Variants in AFF2 observed in about 807,000 individuals in gnomAD.
The protein encoded by AFF2 is AF4/FMR2 family member 2.
In AFF2, 14 loss-of-function variants were observed where a neutral mutation model predicts 76.9. That is an observed-to-expected ratio of 0.18 (90% confidence interval 0.12 to 0.28). The LOEUF (loss-of-function observed/expected upper bound fraction) is 0.28, where lower values mean the gene tolerates loss of function less well. AFF2 is among the 10% of genes least tolerant of loss of function. The probability of loss-of-function intolerance (pLI) is 1.00; values close to 1 mark genes in which losing one functional copy is unlikely to be tolerated. For missense variants in AFF2, 868 were observed against 1,001.1 expected, an observed-to-expected ratio of 0.87 and a Z score of 1.79; for synonymous variants, 398 against 366.7, an observed-to-expected ratio of 1.09 and a Z score of -0.98.
intron 9 of AFF2, among the ~76,000 whole-genome samples, chrX:148,911,189 T>A (rs2071465103): frequency 9.1e-6 from 1 of 110,388 alleles, no homozygotes; most frequent in Non-Finnish European, 1.9e-5. Context: ...TTCCCCACCA[T>A]TTTTACCTTT....
intron 2 of AFF2, 87 bp downstream of exon 2, chrX:148,652,218 A>G: frequency 1.4e-6 from 1 of 708,247 alleles, no homozygotes. Context: ...AAAGCACCCA[A>G]CTCATTTCCA....
At chrX:148,547,806 G>C (rs2052940995) in intron 1 of AFF2, among the ~76,000 whole-genome samples, 1 of 111,918 alleles carries the variant, frequency 8.9e-6, no homozygotes, top group Non-Finnish European at 1.9e-5. Context: ...CTTCCCAAGT[G>C]TCCAGGTTTA....
intron 1 of AFF2, among the ~76,000 whole-genome samples, chrX:148,532,726 G>A (rs1490751263): frequency 2.7e-5 from 3 of 112,087 alleles, no homozygotes; most frequent in Non-Finnish European, 3.8e-5. Context: ...ACAGTATATG[G>A]ATGAGAAATT....
intron 9 of AFF2, among the ~76,000 whole-genome samples, chrX:148,944,288 A>G (rs1340234960): frequency 3.6e-5 from 4 of 111,838 alleles, no homozygotes; most frequent in Non-Finnish European, 7.5e-5. Context: ...CAGTGGAAGT[A>G]CACAGCCTGC....
At chrX:148,731,521 T>G (rs1285958123) in intron 3 of AFF2, among the ~76,000 whole-genome samples, 1 of 111,776 alleles carries the variant, frequency 8.9e-6, no homozygotes, top group African/African-American at 3.3e-5. Context: ...AACTCTAAAA[T>G]TTTAGAAGGA....
intron 7 of AFF2, among the ~76,000 whole-genome samples, chrX:148,872,587 C>T (rs2070991087): frequency 8.9e-6 from 1 of 112,106 alleles, no homozygotes; most frequent in African/African-American, 3.2e-5. Flanking sequence ...TGATGTTGAG[C>T]ATCTTTTCAT....
Position 148,581,445 on chromosome X carries a change from TAC to T in AFF2, c.48-70553_48-70552del, listed in dbSNP as rs1273706938. On this transcript the variant is annotated intron_variant, in intron 1 of 20. Transcript: ENST00000370460. ...ATACGTCTACGTGTACACACATATA[TAC>T]GTATACGTCTACGTGTACACACATA... Among the ~76,000 whole-genome samples the T allele has an allele frequency of 1.2e-4, 3 of 25,290 alleles. 1 individual carries two copies. Among genetic ancestry groups the T allele is most frequent in the Non-Finnish European group, 1.7e-4 (2 of 11,668 alleles). The allele number at this position is 25,290 out of a possible 115,157, so 22.0% of individuals were successfully genotyped here. A position where few individuals can be genotyped will look rare whatever the true frequency, so the allele number is the denominator to read the frequency against.
intron 7 of AFF2, among the ~76,000 whole-genome samples, chrX:148,871,826 C>T (rs2070980179): frequency 9.0e-6 from 1 of 111,629 alleles, no homozygotes; most frequent in Non-Finnish European, 1.9e-5. Context: ...CTGGAAAAGA[C>T]AAAGCTCTTT....
chrX:148,994,692 A>T lies in AFF2; in HGVS notation c.*3360A>T, dbSNP rs1477799211. The T allele has an allele frequency of 1.8e-5, 2 of 112,533 alleles. No homozygotes were observed. The highest frequency in any genetic ancestry group is 6.5e-5 in the African/African-American group (2 of 30,948). 9.3% of individuals were successfully genotyped at this position (112,533 alleles called of 1,213,427 possible). A position where few individuals can be genotyped will look rare whatever the true frequency, so the allele number is the denominator to read the frequency against. ...TGGACATTACATCACTAAATTCATT[A>T]GATTTTGTCTGCATTGGAAAGATAC... On this transcript the variant is annotated 3_prime_UTR_variant, in exon 21 of 21. Transcript: ENST00000370460.
At chrX:148,566,521 G>A (rs1468933776) in intron 1 of AFF2, among the ~76,000 whole-genome samples, 1 of 111,199 alleles carries the variant, frequency 9.0e-6, no homozygotes, top group Non-Finnish European at 1.9e-5. Context: ...ATGAAATGCA[G>A]CAATTCAGTG....
In AFF2 at chrX:148,691,652, G is replaced by T. The variant is rs6641245; in HGVS notation, c.1041+28884G>T. 7.2e-5 allele frequency among the ~76,000 whole-genome samples: 8 copies of T among 111,762 alleles called. No individual in the cohort carries two copies. In the East Asian group the frequency reaches 2.3e-3, roughly 31 times the overall value. The stretch of plus-strand genomic sequence containing the variant: ...AGGGCACAGCATGAATAAAGTCTAG[G>T]GAATGTGGTGGTGAGTGGACCCAAT... On this transcript the variant is annotated intron_variant, in intron 3 of 20. Coordinates refer to ENST00000370460, the MANE Select transcript of AFF2 (RefSeq NM_002025.4).
intron 4 of AFF2, among the ~76,000 whole-genome samples, chrX:148,830,147 A>G (rs1280057704): frequency 8.9e-6 from 1 of 111,828 alleles, no homozygotes; most frequent in Admixed American, 9.4e-5. Context: ...GGGCCCTGAG[A>G]GGAAAAAGAT....
chrX:148,897,273 G>GTGTGTATA (rs1569556779), intron 8 of AFF2, among the ~76,000 whole-genome samples: 30 of 24,386 alleles, frequency 1.2e-3, no homozygotes, highest in South Asian at 3.0e-3. Flanking sequence ...ATATATATAT[G>GTGTGTATA]TATATGAAAA....
intron 9 of AFF2, among the ~76,000 whole-genome samples, chrX:148,906,767 C>T (rs1176437928): frequency 4.5e-5 from 5 of 111,555 alleles, no homozygotes; most frequent in Non-Finnish European, 9.4e-5. Flanking sequence ...AGCTTTTGCT[C>T]GCCGTCCACC....
chrX:148,964,247 G>A (rs1307482928), intron 13 of AFF2, among the ~76,000 whole-genome samples: 1 of 111,889 alleles, frequency 8.9e-6, no homozygotes, highest in Non-Finnish European at 1.9e-5. Context: ...ATGCTCAAAG[G>A]ACTAGAATAT....
At chrX:148,888,199 CT>C (rs1801329231) in intron 8 of AFF2, among the ~76,000 whole-genome samples, 1 of 111,160 alleles carries the variant, frequency 9.0e-6, no homozygotes, top group African/African-American at 3.3e-5. Context: ...CCCCCTCCCC[CT>C]AACCCCGACA....
At chrX:148,772,538 CTTTCTT>C (rs1184812510) in intron 3 of AFF2, among the ~76,000 whole-genome samples, 37 of 54,162 alleles carry the variant, frequency 6.8e-4, no homozygotes, top group African/African-American at 1.5e-3. Flanking sequence ...TTCTTTCTTT[CTTTCTT>C]TTTTTTTTTT....
At chrX:148,819,384 AC>A (rs782080221) in intron 4 of AFF2, among the ~76,000 whole-genome samples, 3 of 111,661 alleles carry the variant, frequency 2.7e-5, no homozygotes, top group Non-Finnish European at 5.7e-5. Flanking sequence ...GAGTGGCTGT[AC>A]CATTTTGCAC....
intron 3 of AFF2, among the ~76,000 whole-genome samples, chrX:148,713,684 G>C (rs1426095836): frequency 8.9e-6 from 1 of 111,732 alleles, no homozygotes; most frequent in Non-Finnish European, 1.9e-5. Context: ...AACTTGAAAA[G>C]GCTGCCCACT....
Sources: gnomAD v4.1 joint callset for allele counts (sites outside exome capture counted in the v4.1 genomes callset) on GRCh38, gnomAD v4.1.1 for gene constraint, MANE v1.5 for transcripts, NCBI Gene and HGNC (gene_info 2026-07-23, HGNC 2026-07-21) for gene names.